The following PCDH15 variants were observed in gnomAD, a reference collection of about 807,000 sequenced individuals.
The protein encoded by PCDH15 is protocadherin-15.
A neutral mutation model predicts 178.5 loss-of-function variants in PCDH15; 129 were observed. The observed-to-expected ratio is 0.72, with a 90% CI of 0.63 to 0.84. The LOEUF (loss-of-function observed/expected upper bound fraction) is 0.84. Among genes scored for constraint, PCDH15 ranks in the 40% least tolerant of loss-of-function variants. The probability of loss-of-function intolerance (pLI) is 0.00; values close to 1 mark genes in which losing one functional copy is unlikely to be tolerated. For synonymous variants in PCDH15, 800 were observed against 732.0 expected (o/e 1.09, Z -1.50); for missense variants, 2,230 against 2,099.9 (o/e 1.06, Z -1.21).
At chr10:54,534,929 G>T (rs762092778) in intron 2 of PCDH15, among the ~76,000 whole-genome samples, 1 of 152,100 alleles carries the variant, frequency 6.6e-6, no homozygotes, top group Non-Finnish European at 1.5e-5. Flanking sequence ...AAAATCAATG[G>T]AACAATAATC....
intron 6 of PCDH15, among the ~76,000 whole-genome samples, chr10:54,341,246 A>C (rs1479493940): frequency 6.6e-6 from 1 of 151,962 alleles, no homozygotes; most frequent in African/African-American, 2.4e-5. Context: ...TGTAATCCCC[A>C]TGTATTGAGG....
chr10:55,011,331 C>G (rs575918027), intron 2 of PCDH15, among the ~76,000 whole-genome samples: 2 of 152,114 alleles, frequency 1.3e-5, no homozygotes, highest in South Asian at 4.1e-4. Flanking sequence ...GAAATTGAGA[C>G]AGAATATAAG....
intron 3 of PCDH15, among the ~76,000 whole-genome samples, chr10:54,524,987 A>G (rs1422264521): frequency 2.6e-5 from 4 of 152,344 alleles, no homozygotes; most frequent in Non-Finnish European, 4.4e-5. Flanking sequence ...TGTTAAATTC[A>G]TAATTCTTCC....
Position 54,079,392 on chromosome 10 carries a change from T to G in PCDH15, c.2030A>C (p.Asp677Ala). 2 of 1,614,086 alleles carry G rather than the reference T, an allele frequency of 1.2e-6. No homozygotes were observed. The highest frequency in any genetic ancestry group is 2.2e-5 in the South Asian group (2 of 91,080). Residue 677 changes from aspartate (D) to alanine (A), a missense_variant, in exon 17 of 38, where the codon GAC becomes GCC. Asp to Ala is a moderately radical substitution (Grantham distance 126, BLOSUM62 -2). Transcript: ENST00000644397. The part of the protein sequence containing the change: ...TGILTLGKAL[D>A]RESTDRYILI... ...AATGTAGCGATCAGTGCTTTCCCTG[T>G]CCAGTGCTTTCCCTAAGGTTAGAAT...
chr10:55,410,343 A>AT (rs1838300960), intron 2 of PCDH15, among the ~76,000 whole-genome samples: 1 of 143,074 alleles, frequency 7.0e-6, no homozygotes, highest in Admixed American at 7.0e-5. Context: ...AATCTTCATT[A>AT]ATTTTTTTTC....
At chr10:54,105,317 T>TATATATATATAC (rs1233590982) in intron 15 of PCDH15, among the ~76,000 whole-genome samples, 5 of 91,580 alleles carry the variant, frequency 5.5e-5, no homozygotes, top group Non-Finnish European at 6.7e-5. Context: ...TATATATATA[T>TATATATATATAC]ACACACACAC....
chr10:54,659,058 A>G (rs1158303338), intron 2 of PCDH15, among the ~76,000 whole-genome samples: 2 of 152,220 alleles, frequency 1.3e-5, no homozygotes, highest in East Asian at 3.9e-4. Context: ...ATACAATTCA[A>G]CAAGATTTAA....
At chr10:54,367,848 T>C (rs1031469519) in intron 5 of PCDH15, among the ~76,000 whole-genome samples, 19 of 151,600 alleles carry the variant, frequency 1.3e-4, no homozygotes, top group Non-Finnish European at 2.6e-4. Flanking sequence ...TATATATATA[T>C]AGATTCTGTA....
intron 1 of PCDH15, among the ~76,000 whole-genome samples, chr10:54,781,492 T>C (rs1158954255): frequency 6.6e-6 from 1 of 152,160 alleles, no homozygotes; most frequent in Non-Finnish European, 1.5e-5. Flanking sequence ...GTACATTTCA[T>C]ACACAGTTTA....
intron 2 of PCDH15, among the ~76,000 whole-genome samples, chr10:55,111,000 A>G (rs1837488042): frequency 6.6e-6 from 1 of 152,170 alleles, no homozygotes; most frequent in African/African-American, 2.4e-5. Context: ...GACTGTAAAT[A>G]TAAATGAGTT....
intron 2 of PCDH15, among the ~76,000 whole-genome samples, chr10:55,593,655 G>A (rs908274365): frequency 4.0e-5 from 6 of 151,666 alleles, no homozygotes; most frequent in Non-Finnish European, 7.4e-5. Context: ...TAACAGTATA[G>A]AAGTATTGTG....
At chr10:54,471,656 T>C (rs1258750025) in intron 3 of PCDH15, among the ~76,000 whole-genome samples, 1 of 151,674 alleles carries the variant, frequency 6.6e-6, no homozygotes, top group Admixed American at 6.6e-5. Flanking sequence ...TTTTTGATTT[T>C]TTTTTTACTA....
chr10:54,780,596 G>A (rs1236190884), intron 1 of PCDH15, among the ~76,000 whole-genome samples: 1 of 151,844 alleles, frequency 6.6e-6, no homozygotes, highest in Non-Finnish European at 1.5e-5. Context: ...AGACATTCTT[G>A]GAAACATTTT....
At chr10:54,521,430 G>A (rs111730768) in intron 3 of PCDH15, among the ~76,000 whole-genome samples, 6,709 of 151,946 alleles carry the variant, frequency 0.044, 216 homozygotes, top group Non-Finnish European at 0.067. Flanking sequence ...ATAAAACCAA[G>A]CACATTAATC....
At chr10:55,451,580 G>T (rs775618674) in intron 2 of PCDH15, among the ~76,000 whole-genome samples, 2 of 152,084 alleles carry the variant, frequency 1.3e-5, no homozygotes, top group Non-Finnish European at 2.9e-5. Flanking sequence ...TTGTAAAAAA[G>T]AATTCATTCA....
chr10:54,910,240 A>G (rs1954796000), intron 2 of PCDH15, among the ~76,000 whole-genome samples: 1 of 152,134 alleles, frequency 6.6e-6, no homozygotes, highest in South Asian at 2.1e-4. Context: ...GCGGCCATCA[A>G]TACCACCAAT....
chr10:55,194,174 T>C (rs896245493), intron 1 of PCDH15, among the ~76,000 whole-genome samples: 1 of 152,076 alleles, frequency 6.6e-6, no homozygotes, highest in African/African-American at 2.4e-5. Context: ...TTGCAGAGCA[T>C]TGATCTTAAC....
chr10:54,150,482 T>C (rs1021113812), intron 14 of PCDH15, among the ~76,000 whole-genome samples: 1 of 152,224 alleles, frequency 6.6e-6, no homozygotes, highest in African/African-American at 2.4e-5. Context: ...AGAAGAATCA[T>C]CCATTTCTGT....
At chr10:54,027,457 A>C (rs1179885485) in intron 18 of PCDH15, among the ~76,000 whole-genome samples, 1 of 152,186 alleles carries the variant, frequency 6.6e-6, no homozygotes, top group African/African-American at 2.4e-5. Flanking sequence ...GTTCATATGG[A>C]ACCAAAATAG....
Sources: allele counts gnomAD v4.1 joint callset (sites outside exome capture counted in the v4.1 genomes callset), GRCh38; gene constraint gnomAD v4.1.1; transcripts MANE v1.5; gene names NCBI Gene and HGNC (gene_info 2026-07-23, HGNC 2026-07-21).